Variants in PDPK1 observed in about 807,000 individuals in gnomAD.
The protein encoded by PDPK1 is 3-phosphoinositide-dependent protein kinase 1.
PDPK1 carries 7 observed loss-of-function variants against 39.8 expected under a neutral mutation model. The ratio of observed to expected loss-of-function variants is 0.18; its 90% CI spans 0.10 to 0.33. PDPK1 has a LOEUF of 0.33. Among genes scored for constraint, PDPK1 ranks in the 10% least tolerant of loss-of-function variants. The pLI is 1.00. For missense variants in PDPK1, 182 were observed against 384.7 expected (o/e 0.47, Z 4.41); for synonymous variants, 118 against 159.1 (o/e 0.74, Z 1.95).
At position 2,580,069 on chromosome 16, in the gene PDPK1, T is replaced by C. The variant is rs533236937; in HGVS notation, c.786-1226T>C. The C allele has an allele frequency of 3.5e-4, 53 of 150,126 alleles. 6 individuals carry two copies. Among genetic ancestry groups the C allele is most frequent in the African/African-American group, 1.3e-3 (53 of 40,540 alleles). The allele number at this position is 150,126 out of a possible 1,614,324, so 9.3% of individuals were successfully genotyped here. On this transcript the variant is annotated intron_variant, in intron 7 of 13. Transcript: ENST00000342085. ...GGTATATGTCTTTCCAGTCATTCTT[T>C]CTGTGCATTTTATAGCTGTTTGCGT...
intron 12 of PDPK1, among the ~76,000 whole-genome samples, chr16:2,596,844 C>T (rs1265010260): frequency 6.6e-6 from 1 of 152,158 alleles, no homozygotes; most frequent in Non-Finnish European, 1.5e-5. Context: ...CGAGAGCAGG[C>T]TTCTGTCCCA....
At chr16:2,542,788 T>G (rs1488323865) in intron 1 of PDPK1, among the ~76,000 whole-genome samples, 1 of 152,150 alleles carries the variant, frequency 6.6e-6, no homozygotes, top group African/African-American at 2.4e-5. Context: ...GGTTTGAAGG[T>G]AGGTCTGGAG....
At chr16:2,592,920 C>T (rs1464413868) in intron 11 of PDPK1, 4 of 456,558 alleles carry the variant, frequency 8.8e-6, no homozygotes, top group Non-Finnish European at 1.3e-5. Flanking sequence ...TTGCCTGCCT[C>T]CCCGTGGTGC....
intron 1 of PDPK1, among the ~76,000 whole-genome samples, chr16:2,544,530 C>G (rs2066299756): frequency 6.6e-6 from 1 of 152,206 alleles, no homozygotes; most frequent in African/African-American, 2.4e-5. Flanking sequence ...CACCTGGATT[C>G]TACCAGTTGT....
At chr16:2,577,721 C>T (rs1327476786) in intron 7 of PDPK1, among the ~76,000 whole-genome samples, 5 of 149,424 alleles carry the variant, frequency 3.3e-5, no homozygotes, top group Non-Finnish European at 5.9e-5. Flanking sequence ...CAGATTGAAT[C>T]GTTTGGGTTT....
intron 11 of PDPK1, among the ~76,000 whole-genome samples, chr16:2,589,992 T>TA (rs1466110874): frequency 1.3e-5 from 2 of 152,242 alleles, no homozygotes; most frequent in African/African-American, 4.8e-5. Flanking sequence ...GGATTCAAGA[T>TA]ACGACTGCAG....
At position 2,598,426 on chromosome 16, in the gene PDPK1, C is replaced by T. The variant is rs1212364177; in HGVS notation, c.*659C>T. 3.0e-5 allele frequency: 7 copies of T among 234,358 alleles called. No individual in the cohort carries two copies. Among genetic ancestry groups the T allele is most frequent in the Non-Finnish European group, 5.9e-5 (7 of 119,046 alleles). 14.5% of individuals were successfully genotyped at this position (234,358 alleles called of 1,614,324 possible). A position where few individuals can be genotyped will look rare whatever the true frequency, so the allele number is the denominator to read the frequency against. ...GCAGGCAGGTTTGCGTGGTGAGGAG[C>T]GGGAGGGGTTGGAGTGGTGCGGGAG... On this transcript the variant is annotated 3_prime_UTR_variant, in exon 14 of 14. Transcript: ENST00000342085.
At position 2,586,883 on chromosome 16, in the gene PDPK1, G is replaced by C; in HGVS notation, c.1333G>C (p.Gly445Arg). ...GTTGTTGTTGGAGAAGCAGGCTGGC[G>C]GAAACCCTTGGTAAGAACTTATGGA... ...KRLLLEKQAG[G>R]NPWHQFVENN... is the part of the protein sequence containing the mutation. The change falls in exon 11 of 14, where the codon GGA becomes CGA. Residue 445 changes from glycine to arginine, a missense_variant. Transcript: ENST00000342085. 1 of 1,614,030 alleles carries C rather than the reference G, an allele frequency of 6.2e-7. No homozygotes were observed. Among genetic ancestry groups the C allele is most frequent in the African/African-American group, 1.3e-5 (1 of 75,066 alleles).
chr16:2,540,159 C>T (rs1232426208), intron 1 of PDPK1, among the ~76,000 whole-genome samples: 1 of 152,192 alleles, frequency 6.6e-6, no homozygotes, highest in African/African-American at 2.4e-5. Flanking sequence ...AGTGGGTTTG[C>T]ATCTGGACTT....
Position 2,590,348 on chromosome 16 carries a change from G to A in PDPK1, c.1343+3455G>A, listed in dbSNP as rs993713936. Among the ~76,000 whole-genome samples, 3 of 152,190 alleles carry A rather than the reference G, an allele frequency of 2.0e-5. No individual in the cohort carries two copies. In the East Asian group the frequency reaches 5.8e-4, roughly 29 times the overall value. On this transcript the variant is annotated intron_variant, in intron 11 of 13. Coordinates refer to ENST00000342085, the MANE Select transcript of PDPK1 (RefSeq NM_002613.5). ...TGACTTGAGGCCATGGCACCAAGCA[G>A]TGCCAGGGCAATAGTCATATCTTCA...
intron 1 of PDPK1, chr16:2,538,489 G>A (rs2066179781): frequency 3.9e-6 from 2 of 518,218 alleles, no homozygotes; most frequent in Non-Finnish European, 7.0e-6. Flanking sequence ...TTACCTTTCG[G>A]TTCTGTCTGT....
chr16:2,552,055 A>G (rs2066424369), intron 1 of PDPK1, among the ~76,000 whole-genome samples: 1 of 151,154 alleles, frequency 6.6e-6, no homozygotes, highest in Non-Finnish European at 1.5e-5. Context: ...GCTAGTGTTG[A>G]ACTCCTGGCC....
At chr16:2,546,895 C>T (rs1374195615) in intron 1 of PDPK1, among the ~76,000 whole-genome samples, 5 of 151,420 alleles carry the variant, frequency 3.3e-5, no homozygotes, top group Non-Finnish European at 5.9e-5. Context: ...ATCTCAGCAG[C>T]CCACCTGTCT....
chr16:2,558,439 G>T (rs1421621034), intron 2 of PDPK1, among the ~76,000 whole-genome samples: 1 of 150,388 alleles, frequency 6.6e-6, no homozygotes, highest in Non-Finnish European at 1.5e-5. Context: ...GTACGCTCTG[G>T]ACATTTGCTG....
chr16:2,595,875 T>C (rs1567170861), intron 12 of PDPK1, 25 bp downstream of exon 12: 1 of 1,587,946 alleles, frequency 6.3e-7, no homozygotes. Flanking sequence ...GTCCCGCTGC[T>C]CCGCACGGAC....
At chr16:2,573,410 A>G (rs2066669435) in intron 6 of PDPK1, among the ~76,000 whole-genome samples, 1 of 14,520 alleles carries the variant, frequency 6.9e-5, no homozygotes, top group Admixed American at 6.2e-4. Flanking sequence ...AGCCATCACC[A>G]TGGGCTGTCT....
At position 2,598,017 on chromosome 16, in the gene PDPK1, C is replaced by T. The variant is rs886896054; in HGVS notation, c.*250C>T. 1.9e-5 allele frequency: 10 copies of T among 524,666 alleles called. No homozygotes were observed. The highest frequency in any genetic ancestry group is 3.2e-5 in the East Asian group (1 of 31,298). The allele number at this position is 524,666 out of a possible 1,614,324, so 32.5% of individuals were successfully genotyped here. On this transcript the variant is annotated 3_prime_UTR_variant, in exon 14 of 14. Transcript: ENST00000342085. ...GCTCTCTGTGCTCCGTGGAGGCCTCCGTGTGCCCTCGTTGCCGTGGGGACC... is the reference window on the plus strand; with the variant it reads ...GCTCTCTGTGCTCCGTGGAGGCCTCTGTGTGCCCTCGTTGCCGTGGGGACC...
chr16:2,598,256 G>A lies in PDPK1; in HGVS notation c.*489G>A, dbSNP rs958033407. The A allele has an allele frequency of 1.7e-5, 4 of 234,542 alleles. No homozygotes were observed. The highest frequency in any genetic ancestry group is 2.5e-5 in the Non-Finnish European group (3 of 118,990). The allele number at this position is 234,542 out of a possible 1,614,324, so 14.5% of individuals were successfully genotyped here. ...CCAGGGAGGGAGCCCTGCGGGGGCC[G>A]CAGCTTTGTGGAGGGAGCCGCCGTG... On this transcript the variant is annotated 3_prime_UTR_variant, in exon 14 of 14. Transcript: ENST00000342085.
Position 2,603,065 on chromosome 16 carries a change from A to AT in PDPK1, c.*5299dup. On this transcript the variant is annotated 3_prime_UTR_variant, in exon 14 of 14. Transcript: ENST00000342085. ...TCTATTGGGTCAGTGATTTAATCAT[A>AT]TAATTTAATGAATCTGTTTATCCTT... 4.4e-6 allele frequency: 1 copy of AT among 228,732 alleles called. No homozygotes were observed. The highest frequency in any genetic ancestry group is 8.7e-6 in the Non-Finnish European group (1 of 115,118). 14.2% of individuals were successfully genotyped at this position (228,732 alleles called of 1,614,324 possible).
Sources: gnomAD v4.1 joint callset for allele counts (sites outside exome capture counted in the v4.1 genomes callset) on GRCh38, gnomAD v4.1.1 for gene constraint, MANE v1.5 for transcripts, NCBI Gene and HGNC (gene_info 2026-07-23, HGNC 2026-07-21) for gene names.